Variants in RNASEH2B observed in about 807,000 individuals in gnomAD.
The protein encoded by RNASEH2B is ribonuclease H2 subunit B.
A neutral mutation model predicts 45.0 loss-of-function variants in RNASEH2B; 36 were observed. The ratio of observed to expected loss-of-function variants is 0.80; its 90% CI spans 0.61 to 1.06. The LOEUF (loss-of-function observed/expected upper bound fraction) is 1.06. RNASEH2B is among the 50% of genes least tolerant of loss of function. The pLI is 0.00. For synonymous variants in RNASEH2B, 119 were observed against 125.7 expected (o/e 0.95, Z 0.35); for missense variants, 361 against 360.3 (o/e 1.00, Z -0.02).
chr13:50,929,685 T>C, intron 3 of RNASEH2B, 103 bp downstream of exon 3: 1 of 763,072 alleles, frequency 1.3e-6, no homozygotes, highest in Non-Finnish European at 2.3e-6. Context: ...TGGAGTCTGG[T>C]CACTGGTTTA....
In RNASEH2B at chr13:50,942,816, A is replaced by G. The variant is rs534580015; in HGVS notation, c.437-505A>G. 1.7e-4 allele frequency: 27 copies of G among 156,146 alleles called. No homozygotes were observed. The South Asian group carries it at 5.3e-3, about 31-fold the overall frequency. The allele number at this position is 156,146 out of a possible 1,614,324, so 9.7% of individuals were successfully genotyped here. ...TGAGACATCAATCAATATGTGTAAGATGTACATTGGTTTAGTCCAGTAAGG... is the reference window on the plus strand; with the variant it reads ...TGAGACATCAATCAATATGTGTAAGGTGTACATTGGTTTAGTCCAGTAAGG... On this transcript the variant is annotated intron_variant, in intron 5 of 10. Coordinates refer to ENST00000336617, the MANE Select transcript of RNASEH2B (RefSeq NM_024570.4).
chr13:50,968,239 A>AT lies in RNASEH2B; in HGVS notation c.742-1693_742-1692insT, dbSNP rs530031206. ...ATAGCAAGACTGTTTCTACAAAAAA[A>AT]AAAATAAAAAATTAGCCAGGTGTGG... On this transcript the variant is annotated intron_variant, in intron 9 of 9. Coordinates refer to the RNASEH2B transcript ENST00000422660. Among the ~76,000 whole-genome samples, 286 of 151,824 alleles carry AT rather than the reference A, an allele frequency of 1.9e-3. 1 individual carries two copies. Among genetic ancestry groups the AT allele is most frequent in the African/African-American group, 6.4e-3 (264 of 41,276 alleles).
downstream of RNASEH2B, among the ~76,000 whole-genome samples, chr13:50,957,563 C>T (rs1056963835): frequency 1.3e-5 from 2 of 152,152 alleles, no homozygotes; most frequent in East Asian, 1.9e-4. Context: ...GATGAACATA[C>T]AGGTGCATGT....
At position 50,910,158 on chromosome 13, in the gene RNASEH2B, GGC is replaced by G. The variant is rs1566071266; in HGVS notation, c.64+20_64+21del. On this transcript the variant is annotated intron_variant, in intron 1 of 10. Transcript: ENST00000336617. The stretch of plus-strand genomic sequence containing the variant: ...GGTTTCAGGTAAACACGCGCGCCCG[GGC>G]GGCGGGGTCGGCCCAAGAACTGGCG... 4.9e-6 allele frequency: 7 copies of G among 1,426,262 alleles called. No individual in the cohort carries two copies. Among genetic ancestry groups the G allele is most frequent in the Non-Finnish European group, 6.4e-6 (7 of 1,091,188 alleles). The allele number at this position is 1,426,262 out of a possible 1,614,324, so 88.4% of individuals were successfully genotyped here.
At chr13:50,924,599 C>T (rs1322132357) in intron 1 of RNASEH2B, among the ~76,000 whole-genome samples, 3 of 152,146 alleles carry the variant, frequency 2.0e-5, no homozygotes, top group Non-Finnish European at 4.4e-5. Flanking sequence ...CAGTCTGTCA[C>T]CCAGGCTGGA....
At chr13:50,954,956 T>C (rs1952025559) in intron 10 of RNASEH2B, 1 of 152,214 alleles carries the variant, frequency 6.6e-6, no homozygotes, top group Non-Finnish European at 1.5e-5. Context: ...TTTTGCAAAT[T>C]GTTGGTTCCT....
chr13:50,921,941 C>T (rs138216287), intron 1 of RNASEH2B, among the ~76,000 whole-genome samples: 4 of 152,338 alleles, frequency 2.6e-5, no homozygotes, highest in East Asian at 3.9e-4. Flanking sequence ...CTTGTAAAAA[C>T]GGTACTTGTA....
In RNASEH2B at chr13:50,970,042, T is replaced by G. The variant is rs1051044242; in HGVS notation, c.*78T>G. The G allele has an allele frequency of 3.5e-6, 5 of 1,415,802 alleles. 1 individual carries two copies. In the South Asian group the frequency reaches 3.7e-5, roughly 11 times the overall value. 87.7% of individuals were successfully genotyped at this position (1,415,802 alleles called of 1,614,324 possible). On this transcript the variant is annotated 3_prime_UTR_variant, in exon 10 of 10. Transcript: ENST00000422660. ...CCCAGAGGACTCGGACTTTTTCTTC[T>G]GCACTTTTTTGGAAAATCGCCAGGT...
intron 4 of RNASEH2B, 179 bp from the exon 5 acceptor site, chr13:50,934,706 C>T: frequency 1.6e-6 from 1 of 624,400 alleles, no homozygotes; most frequent in East Asian, 2.8e-5. Flanking sequence ...ACAGGAGCTT[C>T]CTGAAGGGAG....
intron 1 of RNASEH2B, chr13:50,921,334 A>G (rs1951521827): frequency 6.6e-6 from 1 of 152,210 alleles, no homozygotes; most frequent in African/African-American, 2.4e-5. Flanking sequence ...AGTTAAAAGT[A>G]GGTTTATAGA....
chr13:50,942,905 T>G (rs1266472719), intron 5 of RNASEH2B: 1 of 165,472 alleles, frequency 6.0e-6, no homozygotes, highest in Admixed American at 6.2e-5. Flanking sequence ...GGTGGCATTC[T>G]TTTGATCAGC....
In RNASEH2B at chr13:50,929,505, G is replaced by A; in HGVS notation, c.167G>A (p.Cys56Tyr). 1 of 1,613,706 alleles carries A rather than the reference G, an allele frequency of 6.2e-7. No homozygotes were observed. The highest frequency in any genetic ancestry group is 8.5e-7 in the Non-Finnish European group (1 of 1,179,696). ...GEGAIYLFNMCLQQLFEVKVF... is the reference protein window; with the variant it reads ...GEGAIYLFNMYLQQLFEVKVF... The stretch of plus-strand genomic sequence containing the variant: ...GGAGCCATTTACTTGTTCAATATGT[G>A]TCTACAGCAGCTGTTTGAAGTAAAA... Residue 56 changes from cysteine to tyrosine, a missense_variant, in exon 3 of 11, where the codon TGT becomes TAT. Physicochemically the swap from Cys to Tyr is radical, Grantham distance 194. Transcript: ENST00000336617.
chr13:50,909,988 A>G lies in RNASEH2B; in HGVS notation c.-89A>G, dbSNP rs1335185020. On this transcript the variant is annotated 5_prime_UTR_variant, in exon 1 of 11. Coordinates refer to ENST00000336617, the MANE Select transcript of RNASEH2B (RefSeq NM_024570.4). Reference sequence around the variant, plus strand: ...TCCCTCAGCGCGCCGCGCCACCCGGAACAGACCCTTCTCCCGCCATTTTCG... The same window carrying G: ...TCCCTCAGCGCGCCGCGCCACCCGGGACAGACCCTTCTCCCGCCATTTTCG... 2.5e-6 allele frequency: 3 copies of G among 1,204,272 alleles called. No individual in the cohort carries two copies. Among genetic ancestry groups the G allele is most frequent in the East Asian group, 3.2e-5 (1 of 31,732 alleles). The allele number at this position is 1,204,272 out of a possible 1,614,324, so 74.6% of individuals were successfully genotyped here. A position where few individuals can be genotyped will look rare whatever the true frequency, so the allele number is the denominator to read the frequency against.
intron 9 of RNASEH2B, among the ~76,000 whole-genome samples, chr13:50,962,218 T>TA (rs1341742083): frequency 9.2e-5 from 14 of 152,174 alleles, no homozygotes; most frequent in Non-Finnish European, 1.9e-4. Flanking sequence ...ACTGGGCTTA[T>TA]AAAATGAGTT....
intron 10 of RNASEH2B, chr13:50,954,272 T>G: frequency 1.9e-6 from 1 of 525,228 alleles, no homozygotes; most frequent in South Asian, 3.2e-5. Context: ...GGGAGGAAGC[T>G]CTACAGGTAA....
At chr13:50,930,207 A>G (rs965944630) in intron 3 of RNASEH2B, 46 of 228,666 alleles carry the variant, frequency 2.0e-4, no homozygotes, top group Middle Eastern at 1.7e-3. Flanking sequence ...CTGCCCACAG[A>G]CCACGGAAGG....
chr13:50,949,192 G>A (rs922010724), intron 8 of RNASEH2B: 4 of 383,258 alleles, frequency 1.0e-5, no homozygotes, highest in African/African-American at 2.1e-5. Flanking sequence ...ATTTATAGAG[G>A]CTAAAGAAAA....
chr13:50,918,170 C>CTCTG (rs992646770), intron 1 of RNASEH2B, among the ~76,000 whole-genome samples: 6 of 152,096 alleles, frequency 3.9e-5, no homozygotes, highest in Non-Finnish European at 5.9e-5. Context: ...CAGAGTCTCA[C>CTCTG]TCTGTCGCCC....
chr13:50,954,124 A>G, intron 10 of RNASEH2B, 139 bp downstream of exon 10: 1 of 703,318 alleles, frequency 1.4e-6, no homozygotes. Context: ...CTGTGACTTA[A>G]TAATTAAGAA....
Sources: allele counts gnomAD v4.1 joint callset (sites outside exome capture counted in the v4.1 genomes callset), GRCh38; gene constraint gnomAD v4.1.1; transcripts MANE v1.5; gene names NCBI Gene and HGNC (gene_info 2026-07-23, HGNC 2026-07-21).